PROX1: variants seen among roughly 807,000 people sequenced by gnomAD.
The protein encoded by PROX1 is prospero homeobox protein 1.
In PROX1, 7 loss-of-function variants were observed where a neutral mutation model predicts 58.8. That is an observed-to-expected ratio of 0.12 (90% CI 0.07 to 0.22). The LOEUF (loss-of-function observed/expected upper bound fraction) is 0.22, where lower values mean the gene tolerates loss of function less well. Among genes scored for constraint, PROX1 ranks in the 10% least tolerant of loss-of-function variants. The pLI is 1.00. For synonymous variants in PROX1, 350 were observed against 358.3 expected, an observed-to-expected ratio of 0.98 and a Z score of 0.26; for missense variants, 675 against 927.8, an observed-to-expected ratio of 0.73 and a Z score of 3.54.
intron 3 of PROX1, 138 bp from the exon 4 acceptor site, chr1:214,011,383 C>A: frequency 1.4e-6 from 1 of 705,060 alleles, no homozygotes; most frequent in Non-Finnish European, 2.2e-6. Context: ...GCCTCTCTTG[C>A]CACCATTTTG....
intron 4 of PROX1, chr1:214,029,370 C>T (rs1245726923): frequency 6.6e-6 from 1 of 152,078 alleles, no homozygotes; most frequent in Non-Finnish European, 1.5e-5. Flanking sequence ...TTTTTCTAAC[C>T]CAGCAAAGTT....
intron 4 of PROX1, among the ~76,000 whole-genome samples, chr1:214,033,112 T>C (rs941573750): frequency 6.6e-6 from 1 of 152,148 alleles, no homozygotes; most frequent in Non-Finnish European, 1.5e-5. Context: ...AGACCTCCTG[T>C]GCAGTTCTTG....
rs2102695429 is a variant in PROX1, at chr1:213,997,218, G to A, written c.683G>A (p.Arg228Gln). ...AGTTTCCAGCAGCTGGTTTCAGCCCGAAAAGAACAGAAGCGAGAGGAGCGC... is the reference window on the plus strand; with the variant it reads ...AGTTTCCAGCAGCTGGTTTCAGCCCAAAAAGAACAGAAGCGAGAGGAGCGC... ...QQSFQQLVSA[R>Q]KEQKREERRQ... The change falls in exon 2 of 5, where the codon CGA becomes CAA. Residue 228 changes from arginine to glutamine, a missense_variant. Transcript: ENST00000366958. The surrounding 1 kb of genome is among the most constrained non-coding windows in gnomAD (Gnocchi z 7.1). 8 of 1,612,374 alleles carry A rather than the reference G, an allele frequency of 5.0e-6. No homozygotes were observed. The highest frequency in any genetic ancestry group is 1.7e-4 in the Middle Eastern group (1 of 6,036).
In PROX1 at chr1:213,994,799, A is replaced by ATC. The variant is rs1160511856; in HGVS notation, c.-67-1669_-67-1668insCT. Among the ~76,000 whole-genome samples, 217 of 119,572 alleles carry ATC rather than the reference A, an allele frequency of 1.8e-3. 5 individuals carry two copies. The highest frequency in any genetic ancestry group is 7.2e-3 in the African/African-American group (207 of 28,754). The allele number at this position is 119,572 out of a possible 152,430, so 78.4% of individuals were successfully genotyped here. On this transcript the variant is annotated intron_variant, in intron 1 of 4. Coordinates refer to ENST00000366958, the MANE Select transcript of PROX1 (RefSeq NM_001270616.2). Reference sequence around the variant, plus strand: ...TATATATATATATATATATATATATATATAAAGAGGTATCATTTTGCTTTC... The same window carrying ATC: ...TATATATATATATATATATATATATATCTATAAAGAGGTATCATTTTGCTTTC...
Position 213,998,057 on chromosome 1 carries a change from G to A in PROX1, c.1522G>A (p.Asp508Asn). Residue 508 changes from aspartate to asparagine, a missense_variant, in exon 2 of 5, where the codon GAC (aspartate) becomes AAC (asparagine). Around this residue, in one of 8 missense-constraint regions of PROX1, gnomAD observed 403 missense variants for 477.4 expected, o/e 0.84. Transcript: ENST00000366958. The stretch of plus-strand genomic sequence containing the variant: ...TCCCTCCGGCTCCTTCTCTGGAAAA[G>A]ACAGAGCCTCTCCTGAATCCTTAGA... The part of the protein sequence containing the change: ...GAPSGSFSGK[D>N]RASPESLDLT... 6.2e-7 allele frequency: 1 copy of A among 1,612,956 alleles called. No homozygotes were observed. Among genetic ancestry groups the A allele is most frequent in the Non-Finnish European group, 8.5e-7 (1 of 1,179,372 alleles).
In PROX1 at chr1:214,039,558, TAATA is replaced by T. The variant is rs1178650083; in HGVS notation, c.*3730_*3733del. The T allele has an allele frequency of 3.9e-5, 6 of 152,336 alleles. No homozygotes were observed. Among genetic ancestry groups the T allele is most frequent in the Admixed American group, 6.5e-5 (1 of 15,306 alleles). The allele number at this position is 152,336 out of a possible 1,614,324, so 9.4% of individuals were successfully genotyped here. A position where few individuals can be genotyped will look rare whatever the true frequency, so the allele number is the denominator to read the frequency against. ...TGTCATTATGTAAGACATGAGATTT[TAATA>T]AATAACTACATTCTCACGACATCTG... On this transcript the variant is annotated 3_prime_UTR_variant, in exon 5 of 5. Transcript: ENST00000366958.
At chr1:214,000,924 C>A (rs191172590) in intron 2 of PROX1, among the ~76,000 whole-genome samples, 1 of 152,070 alleles carries the variant, frequency 6.6e-6, no homozygotes, top group Admixed American at 6.6e-5. Flanking sequence ...TTTAGGGATA[C>A]GGGGCCATAT....
At chr1:214,027,951 C>A (rs1017540828) in intron 4 of PROX1, among the ~76,000 whole-genome samples, 2 of 141,592 alleles carry the variant, frequency 1.4e-5, no homozygotes, top group African/African-American at 5.4e-5. Context: ...TTTTTTTTTT[C>A]TTAAGACAGC....
At chr1:214,003,842 C>T (rs1162629005) in intron 2 of PROX1, among the ~76,000 whole-genome samples, 1 of 152,176 alleles carries the variant, frequency 6.6e-6, no homozygotes, top group Non-Finnish European at 1.5e-5. Flanking sequence ...TCTGGTTTCC[C>T]TCCATTCTTA....
At chr1:214,029,598 C>A (rs1664575699) in intron 4 of PROX1, 1 of 152,190 alleles carries the variant, frequency 6.6e-6, no homozygotes, top group Admixed American at 6.5e-5. Flanking sequence ...AAGTAACTTT[C>A]TCCAATTTTT....
At chr1:214,016,368 A>C (rs1249436983) in intron 4 of PROX1, among the ~76,000 whole-genome samples, 2 of 152,214 alleles carry the variant, frequency 1.3e-5, no homozygotes, top group Non-Finnish European at 2.9e-5. Flanking sequence ...CTTTAAAGAA[A>C]AATGAGGACA....
At chr1:214,033,472 C>CTA (rs1664730018) in intron 4 of PROX1, among the ~76,000 whole-genome samples, 7 of 152,144 alleles carry the variant, frequency 4.6e-5, no homozygotes, top group Admixed American at 1.3e-4. Context: ...ATGGCACTTG[C>CTA]CTGTAATCTC....
intron 4 of PROX1, among the ~76,000 whole-genome samples, 188 bp downstream of exon 4, chr1:214,011,903 C>T (rs1663922808): frequency 6.6e-6 from 1 of 152,194 alleles, no homozygotes; most frequent in South Asian, 2.1e-4. Context: ...CTCTGACCCA[C>T]TGCCATTTTT....
chr1:213,995,591 T>C (rs1185961544), intron 1 of PROX1, among the ~76,000 whole-genome samples: 3 of 152,172 alleles, frequency 2.0e-5, no homozygotes, highest in African/African-American at 7.2e-5. Context: ...CCTGAAGATA[T>C]ATTTATCTTT....
chr1:214,031,109 G>A (rs1436205891), intron 4 of PROX1, among the ~76,000 whole-genome samples: 1 of 151,808 alleles, frequency 6.6e-6, no homozygotes, highest in Non-Finnish European at 1.5e-5. Flanking sequence ...GCGCAACCCA[G>A]CTGTGGACTG....
chr1:214,022,228 T>A (rs771670028), intron 4 of PROX1, among the ~76,000 whole-genome samples: 7 of 152,232 alleles, frequency 4.6e-5, no homozygotes, highest in Non-Finnish European at 1.0e-4. Flanking sequence ...TGTCTTACCC[T>A]GCCTGTACTT....
intron 1 of PROX1, among the ~76,000 whole-genome samples, chr1:213,990,969 G>T (rs1424059442): frequency 2.0e-5 from 3 of 152,182 alleles, no homozygotes; most frequent in African/African-American, 7.2e-5. Flanking sequence ...TCAAGTACAT[G>T]AGAAGGTAAC....
chr1:214,032,402 T>A (rs1664687596), intron 4 of PROX1, among the ~76,000 whole-genome samples: 1 of 152,118 alleles, frequency 6.6e-6, no homozygotes, highest in African/African-American at 2.4e-5. Flanking sequence ...CTTCTTTTTT[T>A]TTTTTTATTT....
upstream of PROX1, chr1:213,983,380 G>C (rs1346283717): frequency 6.5e-6 from 1 of 152,692 alleles, no homozygotes; most frequent in Non-Finnish European, 1.5e-5. Context: ...AGGGCGTGAA[G>C]GCAGCAGGCG....
Sources: gnomAD v4.1 joint callset for allele counts (sites outside exome capture counted in the v4.1 genomes callset) on GRCh38, gnomAD v4.1.1 for gene constraint, gnomAD v4.1.1 regional missense constraint, Gnocchi (gnomAD v3.1) non-coding constraint, MANE v1.5 for transcripts, NCBI Gene and HGNC (gene_info 2026-07-23, HGNC 2026-07-21) for gene names.